The following COL7A1 variants were observed in gnomAD, a reference collection of about 807,000 sequenced individuals.
The protein encoded by COL7A1 is collagen alpha-1(VII) chain.
COL7A1 carries 296 observed loss-of-function variants against 456.2 expected under a neutral mutation model. The observed-to-expected ratio is 0.65, with a 90% CI of 0.59 to 0.71. The LOEUF is 0.71. Ranked by LOEUF, COL7A1 falls within the 30% of genes least tolerant of loss-of-function variation. COL7A1 has a pLI of 0.00. For missense variants in COL7A1, 3,441 were observed against 4,017.2 expected, an observed-to-expected ratio of 0.86 and a Z score of 3.88; for synonymous variants, 1,464 against 1,525.9, an observed-to-expected ratio of 0.96 and a Z score of 0.95.
chr3:48,587,744 G>A lies in COL7A1; in HGVS notation c.2857+49C>T. 6.2e-7 allele frequency: 1 copy of A among 1,613,250 alleles called. No homozygotes were observed. The highest frequency in any genetic ancestry group is 8.5e-7 in the Non-Finnish European group (1 of 1,179,852). On this transcript the variant is annotated intron_variant, in intron 22 of 118. Transcript: ENST00000681320. The surrounding 1 kb of genome is among the most constrained non-coding windows in gnomAD (Gnocchi z 6.1). The stretch of plus-strand genomic sequence containing the variant: ...CTCAGAGTCGGGGTGCAGGAAGTCA[G>A]GGTGGGTCATCAGCAGGGGAGGAGC...
intron 46 of COL7A1, 46 bp downstream of exon 46, chr3:48,582,432 C>T (rs1426362491): frequency 4.3e-6 from 7 of 1,614,038 alleles, no homozygotes; most frequent in South Asian, 1.1e-5. Context: ...GTCCCATCTG[C>T]CACATCCCTA....
In COL7A1 at chr3:48,565,731, C is replaced by G; in HGVS notation, c.8408-63G>C. On this transcript the variant is annotated intron_variant, in intron 114 of 118. Transcript: ENST00000681320. The surrounding 1 kb of genome is among the most constrained non-coding windows in gnomAD (Gnocchi z 4.5). The stretch of plus-strand genomic sequence containing the variant: ...AGAGAAGGATGGGAAGATGGAGAGA[C>G]AGACAGAGACACACAGGCAGAGGGG... 6.7e-7 allele frequency: 1 copy of G among 1,484,556 alleles called. No homozygotes were observed. The highest frequency in any genetic ancestry group is 1.2e-5 in the South Asian group (1 of 83,978). The allele number at this position is 1,484,556 out of a possible 1,614,324, so 92.0% of individuals were successfully genotyped here. A position where few individuals can be genotyped will look rare whatever the true frequency, so the allele number is the denominator to read the frequency against.
Position 48,585,058 on chromosome 3 carries a change from G to GTCCCAGGAT in COL7A1, c.3944_3952dup (p.Asn1315_Gly1317dup). ...CACCTTTAGGCCAGGGGCTCCAGGG[G>GTCCCAGGAT]TCCCAGGATTCCCGGCGCGGCCAGG... is the stretch of plus-strand genomic sequence containing the variant. On this transcript the variant is annotated inframe_insertion, in exon 33 of 119. Coordinates refer to ENST00000681320, the MANE Select transcript of COL7A1 (RefSeq NM_000094.4). This position sits in a 1 kb window ranked among gnomAD's most constrained non-coding sequence, Gnocchi z 4.5. 1 of 1,612,914 alleles carries GTCCCAGGAT rather than the reference G, an allele frequency of 6.2e-7. No individual in the cohort carries two copies. The highest frequency in any genetic ancestry group is 8.5e-7 in the Non-Finnish European group (1 of 1,179,932).
chr3:48,569,860 G>C lies in COL7A1; in HGVS notation c.7521+20C>G. On this transcript the variant is annotated intron_variant, in intron 100 of 118. Transcript: ENST00000681320. The surrounding 1 kb of genome is among the most constrained non-coding windows in gnomAD (Gnocchi z 4.9). Reference sequence around the variant, plus strand: ...CCACTCACCCCCCCACTCATGCCAGGACCTTCCCCACGTTCCTACCTTCTC... The same window carrying C: ...CCACTCACCCCCCCACTCATGCCAGCACCTTCCCCACGTTCCTACCTTCTC... 6.2e-7 allele frequency: 1 copy of C among 1,614,128 alleles called. No homozygotes were observed. Among genetic ancestry groups the C allele is most frequent in the Non-Finnish European group, 8.5e-7 (1 of 1,180,010 alleles).
In COL7A1 at chr3:48,578,990, T is replaced by A. The variant is rs367955042; in HGVS notation, c.5389-36A>T. Reference sequence around the variant, plus strand: ...ACTCAAAGTCAGTTCATCATGGTCATGGGGTCAGGGGCTCTAGTCCCTGTG... The same window carrying A: ...ACTCAAAGTCAGTTCATCATGGTCAAGGGGTCAGGGGCTCTAGTCCCTGTG... On this transcript the variant is annotated intron_variant, in intron 62 of 118. Coordinates refer to ENST00000681320, the MANE Select transcript of COL7A1 (RefSeq NM_000094.4). This position sits in a 1 kb window ranked among gnomAD's most constrained non-coding sequence, Gnocchi z 4.7. 6.2e-7 allele frequency: 1 copy of A among 1,613,738 alleles called. No homozygotes were observed. The highest frequency in any genetic ancestry group is 2.2e-5 in the East Asian group (1 of 44,874).
At position 48,567,114 on chromosome 3, in the gene COL7A1, T is replaced by A. The variant is rs1194084879; in HGVS notation, c.8109+14A>T. The A allele has an allele frequency of 6.2e-7, 1 of 1,613,278 alleles. No homozygotes were observed. On this transcript the variant is annotated intron_variant, in intron 110 of 118. Transcript: ENST00000681320. This position sits in a 1 kb window ranked among gnomAD's most constrained non-coding sequence, Gnocchi z 4.3. ...CGCTCCCCTCAATTCACCATGACCATGGCTTCAACTCACCCGCTCCCCTTT... is the reference window on the plus strand; with the variant it reads ...CGCTCCCCTCAATTCACCATGACCAAGGCTTCAACTCACCCGCTCCCCTTT...
At position 48,584,139 on chromosome 3, in the gene COL7A1, G is replaced by T. The variant is rs1268051201; in HGVS notation, c.4198-78C>A. The T allele has an allele frequency of 3.7e-6, 6 of 1,610,414 alleles. No individual in the cohort carries two copies. The East Asian group carries it at 1.3e-4, about 36-fold the overall frequency. On this transcript the variant is annotated intron_variant, in intron 37 of 118. Transcript: ENST00000681320. Reference sequence around the variant, plus strand: ...ATACCAGGAGTGATGAGGGTCATGGGGTCCAATTGGATTTCAAGGATTTTG... The same window carrying T: ...ATACCAGGAGTGATGAGGGTCATGGTGTCCAATTGGATTTCAAGGATTTTG...
At position 48,566,269 on chromosome 3, in the gene COL7A1, C is replaced by G. The variant is rs372679634; in HGVS notation, c.8405G>C (p.Cys2802Ser). The G allele has an allele frequency of 4.9e-5, 78 of 1,599,946 alleles. No individual in the cohort carries two copies. Among genetic ancestry groups the G allele is most frequent in the Non-Finnish European group, 6.1e-5 (72 of 1,174,394 alleles). ...GFVRQEMSQHCACQGQFIASG... is the reference protein window; with the variant it reads ...GFVRQEMSQHSACQGQFIASG... ...ACTGCGGGCTGGGCACCACTCACCA[C>G]AGTGCTGACTCATCTCTTGGCGCAC... Residue 2802 changes from cysteine to serine, a missense_variant and splice_region_variant, in exon 114 of 119, where the codon TGT (cysteine) becomes TCT (serine). Cys to Ser is a moderately radical substitution (Grantham distance 112, BLOSUM62 -1). Transcript: ENST00000681320. This position sits in a 1 kb window ranked among gnomAD's most constrained non-coding sequence, Gnocchi z 5.9.
chr3:48,570,096 G>A lies in COL7A1; in HGVS notation c.7485+38C>T. 6.2e-7 allele frequency: 1 copy of A among 1,612,294 alleles called. No individual in the cohort carries two copies. The highest frequency in any genetic ancestry group is 8.5e-7 in the Non-Finnish European group (1 of 1,178,452). Reference sequence around the variant, plus strand: ...GTACAAAGGGCACAGGCAGGGGACTGAAGTCACAGCACTGTCACTTTCCCC... The same window carrying A: ...GTACAAAGGGCACAGGCAGGGGACTAAAGTCACAGCACTGTCACTTTCCCC... On this transcript the variant is annotated intron_variant, in intron 99 of 118. Coordinates refer to ENST00000681320, the MANE Select transcript of COL7A1 (RefSeq NM_000094.4). The surrounding 1 kb of genome is among the most constrained non-coding windows in gnomAD (Gnocchi z 5.5).
Position 48,573,839 on chromosome 3 carries a change from G to C in COL7A1, c.6537+16C>G. Reference sequence around the variant, plus strand: ...CAGGATGGGGGCAAGACAGGTGAAGGTTCTTGGGTACTCACCACTGGGCCA... The same window carrying C: ...CAGGATGGGGGCAAGACAGGTGAAGCTTCTTGGGTACTCACCACTGGGCCA... On this transcript the variant is annotated intron_variant, in intron 81 of 118. Coordinates refer to ENST00000681320, the MANE Select transcript of COL7A1 (RefSeq NM_000094.4). This position sits in a 1 kb window ranked among gnomAD's most constrained non-coding sequence, Gnocchi z 5.5. The C allele has an allele frequency of 1.9e-6, 3 of 1,614,034 alleles. No individual in the cohort carries two copies. Among genetic ancestry groups the C allele is most frequent in the Non-Finnish European group, 2.5e-6 (3 of 1,179,994 alleles).
In COL7A1 at chr3:48,574,420, C is replaced by T. The variant is rs1017016181; in HGVS notation, c.6456+68G>A. On this transcript the variant is annotated intron_variant, in intron 79 of 118. Coordinates refer to ENST00000681320, the MANE Select transcript of COL7A1 (RefSeq NM_000094.4). The surrounding 1 kb of genome is among the most constrained non-coding windows in gnomAD (Gnocchi z 5.0). ...GTCCCAGGCAGTACAGACCCCAGCCCTGCACACAGGACAATACATGTGAGA... is the reference window on the plus strand; with the variant it reads ...GTCCCAGGCAGTACAGACCCCAGCCTTGCACACAGGACAATACATGTGAGA... The T allele has an allele frequency of 1.2e-6, 2 of 1,613,286 alleles. No individual in the cohort carries two copies. Among genetic ancestry groups the T allele is most frequent in the Non-Finnish European group, 1.7e-6 (2 of 1,179,464 alleles).
In COL7A1 at chr3:48,570,145, G is replaced by C; in HGVS notation, c.7474C>G (p.Arg2492Gly). ...EDGRPGQEGP[R>G]GLTGPPGSRG... ...CCAGCGGGACCCACCGTGAGTCCTC[G>C]GGGTCCCTCCTGGCCGGGGCGGCCA... The change falls in exon 99 of 119, where the codon CGA becomes GGA. Residue 2492 changes from arginine (R) to glycine (G), a missense_variant. Arg to Gly is a moderately radical substitution (Grantham distance 125). Around this residue, in one of 3 missense-constraint regions of COL7A1, gnomAD observed 2,084 missense variants for 2,501.3 expected, o/e 0.83. Coordinates refer to ENST00000681320, the MANE Select transcript of COL7A1 (RefSeq NM_000094.4). This position sits in a 1 kb window ranked among gnomAD's most constrained non-coding sequence, Gnocchi z 5.5. 2 of 1,614,170 alleles carry C rather than the reference G, an allele frequency of 1.2e-6. No homozygotes were observed. Among genetic ancestry groups the C allele is most frequent in the South Asian group, 2.2e-5 (2 of 91,088 alleles).
chr3:48,570,180 T>C lies in COL7A1; in HGVS notation c.7441-2A>G, dbSNP rs1479138679. The stretch of plus-strand genomic sequence containing the variant: ...CTGGCCGGGGCGGCCATCTTCACCC[T>C]GGATGGTGACATTAGGTTCATTGAC... On this transcript the variant is annotated splice_acceptor_variant, in intron 98 of 118. Coordinates refer to ENST00000681320, the MANE Select transcript of COL7A1 (RefSeq NM_000094.4). LOFTEE classifies it high-confidence loss of function. The surrounding 1 kb of genome is among the most constrained non-coding windows in gnomAD (Gnocchi z 5.5). The C allele has an allele frequency of 6.2e-7, 1 of 1,614,124 alleles. No homozygotes were observed. Among genetic ancestry groups the C allele is most frequent in the Non-Finnish European group, 8.5e-7 (1 of 1,180,008 alleles).
chr3:48,593,529 G>C lies in COL7A1; in HGVS notation c.426+8C>G. On this transcript the variant is annotated splice_region_variant and intron_variant, in intron 4 of 118. Coordinates refer to ENST00000681320, the MANE Select transcript of COL7A1 (RefSeq NM_000094.4). The surrounding 1 kb of genome is among the most constrained non-coding windows in gnomAD (Gnocchi z 4.4). ...CATCTTGGGAGGCATGGTAGGGGTA[G>C]GGATCACCTTGGGGACACCAGGTCG... 1 of 1,614,126 alleles carries C rather than the reference G, an allele frequency of 6.2e-7. No individual in the cohort carries two copies. The highest frequency in any genetic ancestry group is 1.1e-5 in the South Asian group (1 of 91,084).
Position 48,593,960 on chromosome 3 carries a change from CTTAA to C in COL7A1, c.267-268_267-265del, listed in dbSNP as rs1400358885. Among the ~76,000 whole-genome samples the C allele has an allele frequency of 6.6e-6, 1 of 152,206 alleles. No homozygotes were observed. Among genetic ancestry groups the C allele is most frequent in the African/African-American group, 2.4e-5 (1 of 41,458 alleles). ...ACAGTCTGTGGGGAACAAGATGCTG[CTTAA>C]TTAAATAATTGCAGGAGGAGGGGTC... On this transcript the variant is annotated intron_variant, in intron 3 of 118. Coordinates refer to ENST00000681320, the MANE Select transcript of COL7A1 (RefSeq NM_000094.4). This position sits in a 1 kb window ranked among gnomAD's most constrained non-coding sequence, Gnocchi z 4.4.
In COL7A1 at chr3:48,588,034, G is replaced by C; in HGVS notation, c.2711-95C>G. 1.4e-6 allele frequency: 2 copies of C among 1,444,174 alleles called. No homozygotes were observed. Among genetic ancestry groups the C allele is most frequent in the Non-Finnish European group, 1.9e-6 (2 of 1,063,854 alleles). The allele number at this position is 1,444,174 out of a possible 1,614,324, so 89.5% of individuals were successfully genotyped here. ...GCCCACTTCACTGGCTCTGTTAACT[G>C]GGTTCACCCTCCTGACTGATCTTCC... On this transcript the variant is annotated intron_variant, in intron 21 of 118. Coordinates refer to ENST00000681320, the MANE Select transcript of COL7A1 (RefSeq NM_000094.4). This position sits in a 1 kb window ranked among gnomAD's most constrained non-coding sequence, Gnocchi z 4.6.
Position 48,580,816 on chromosome 3 carries a change from A to G in COL7A1, c.4980+66T>C. 4 of 1,604,184 alleles carry G rather than the reference A, an allele frequency of 2.5e-6. No individual in the cohort carries two copies. Among genetic ancestry groups the G allele is most frequent in the Non-Finnish European group, 3.4e-6 (4 of 1,171,314 alleles). The stretch of plus-strand genomic sequence containing the variant: ...ACTCCCATCACCCCTTACCCCCCTC[A>G]GCCTTTCCTATCACCTTCATGCCCA... On this transcript the variant is annotated intron_variant, in intron 54 of 118. Coordinates refer to ENST00000681320, the MANE Select transcript of COL7A1 (RefSeq NM_000094.4). This position sits in a 1 kb window ranked among gnomAD's most constrained non-coding sequence, Gnocchi z 4.5.
At position 48,584,566 on chromosome 3, in the gene COL7A1, C is replaced by T. The variant is rs992200863; in HGVS notation, c.4048-10G>A. On this transcript the variant is annotated splice_polypyrimidine_tract_variant and intron_variant, in intron 35 of 118. Transcript: ENST00000681320. ...CTTGTCCGGGAGCCCCCTGTAAGGA[C>T]AGAGAGCAGTGGGCAGGATTCAGGC... is the stretch of plus-strand genomic sequence containing the variant. 3 of 1,614,096 alleles carry T rather than the reference C, an allele frequency of 1.9e-6. No homozygotes were observed. The highest frequency in any genetic ancestry group is 2.5e-6 in the Non-Finnish European group (3 of 1,179,990).
At chr3:48,576,479 G>A in intron 69 of COL7A1, 43 bp downstream of exon 69, 3 of 1,612,736 alleles carry the variant, frequency 1.9e-6, no homozygotes, top group Non-Finnish European at 2.5e-6. Flanking sequence ...CCCCAGCCTG[G>A]TCAGCCCCCT....
Sources: allele counts gnomAD v4.1 joint callset (sites outside exome capture counted in the v4.1 genomes callset), GRCh38; gene constraint gnomAD v4.1.1; regional missense constraint gnomAD v4.1.1; non-coding constraint Gnocchi (gnomAD v3.1); transcripts MANE v1.5; gene names NCBI Gene and HGNC (gene_info 2026-07-23, HGNC 2026-07-21).